LRFN1: variants seen among roughly 807,000 people sequenced by gnomAD.
LRFN1 encodes leucine-rich repeat and fibronectin type III domain-containing protein 1.
A neutral mutation model predicts 31.8 loss-of-function variants in LRFN1; 20 were observed. The ratio of observed to expected loss-of-function variants is 0.63; its 90% confidence interval spans 0.44 to 0.91. The LOEUF is 0.91. Ranked by LOEUF, LRFN1 falls within the 40% of genes least tolerant of loss-of-function variation. LRFN1 has a pLI of 0.00. For synonymous variants in LRFN1, 514 were observed against 541.3 expected (o/e 0.95, Z 0.70); for missense variants, 912 against 1,129.8 (o/e 0.81, Z 2.76).
At position 39,314,191 on chromosome 19, in the gene LRFN1, G is replaced by C. The variant is rs780828457; in HGVS notation, c.1146C>G (p.Pro382=). ...ASNAAGEATA[P]VEVCVVPLPL... is the part of the protein sequence containing the mutation. ...GCAGAGGTACCACGCACACCTCCAC[G>C]GGCGCCGTCGCTTCCCCAGCAGCAT... The change falls in exon 4 of 5, where the codon CCC becomes CCG. Residue 382 remains proline (P), a synonymous_variant. Coordinates refer to ENST00000248668, the MANE Select transcript of LRFN1 (RefSeq NM_020862.2). 6.2e-7 allele frequency: 1 copy of C among 1,613,116 alleles called. No homozygotes were observed. The highest frequency in any genetic ancestry group is 1.7e-5 in the Admixed American group (1 of 59,984).
At chr19:39,319,181 A>G (rs1027950803) in intron 1 of LRFN1, among the ~76,000 whole-genome samples, 1 of 152,232 alleles carries the variant, frequency 6.6e-6, no homozygotes, top group Non-Finnish European at 1.5e-5. Flanking sequence ...TCTGCCATGC[A>G]AGTTCACACA....
chr19:39,316,458 A>G (rs1041373970), intron 2 of LRFN1, among the ~76,000 whole-genome samples: 2 of 152,168 alleles, frequency 1.3e-5, no homozygotes, highest in Non-Finnish European at 2.9e-5. Context: ...TACCATCTTC[A>G]TTCATGTACC....
At position 39,307,506 on chromosome 19, in the gene LRFN1, G is replaced by A. The variant is rs2075133135; in HGVS notation, c.*127C>T. The A allele has an allele frequency of 2.7e-6, 3 of 1,094,608 alleles. No homozygotes were observed. The highest frequency in any genetic ancestry group is 3.6e-6 in the Non-Finnish European group (3 of 844,698). The allele number at this position is 1,094,608 out of a possible 1,614,324, so 67.8% of individuals were successfully genotyped here. Reference sequence around the variant, plus strand: ...CCGAGGCTGCCCCGCCCCCTCCCGGGGACAAGGGCGCGTCTCCACTCTGGT... The same window carrying A: ...CCGAGGCTGCCCCGCCCCCTCCCGGAGACAAGGGCGCGTCTCCACTCTGGT... On this transcript the variant is annotated 3_prime_UTR_variant, in exon 5 of 5. Coordinates refer to ENST00000248668, the MANE Select transcript of LRFN1 (RefSeq NM_020862.2). This position sits in a 1 kb window ranked among gnomAD's most constrained non-coding sequence, Gnocchi z 6.7.
In LRFN1 at chr19:39,315,381, G is replaced by A; in HGVS notation, c.-37-8C>T. 7.1e-7 allele frequency: 1 copy of A among 1,416,788 alleles called. No homozygotes were observed. Among genetic ancestry groups the A allele is most frequent in the Non-Finnish European group, 9.2e-7 (1 of 1,082,942 alleles). The allele number at this position is 1,416,788 out of a possible 1,614,324, so 87.8% of individuals were successfully genotyped here. A position where few individuals can be genotyped will look rare whatever the true frequency, so the allele number is the denominator to read the frequency against. On this transcript the variant is annotated splice_region_variant and splice_polypyrimidine_tract_variant and intron_variant, in intron 3 of 4. Transcript: ENST00000248668. The surrounding 1 kb of genome is among the most constrained non-coding windows in gnomAD (Gnocchi z 4.7). Reference sequence around the variant, plus strand: ...AGGGGTGGGAGGTGAGACCTGCCGGGGAAGGAGCCGGTTACCCAGGCGTGG... The same window carrying A: ...AGGGGTGGGAGGTGAGACCTGCCGGAGAAGGAGCCGGTTACCCAGGCGTGG...
intron 4 of LRFN1, among the ~76,000 whole-genome samples, chr19:39,311,881 T>C (rs1410223956): frequency 7.2e-6 from 1 of 139,718 alleles, no homozygotes; most frequent in Admixed American, 7.0e-5. Flanking sequence ...GAGGCTTTTT[T>C]TTTTTTTTTT....
chr19:39,307,432 G>C lies in LRFN1; in HGVS notation c.*201C>G, dbSNP rs144782480. 4.1e-6 allele frequency: 2 copies of C among 484,756 alleles called. No homozygotes were observed. The highest frequency in any genetic ancestry group is 2.0e-5 in the African/African-American group (1 of 49,692). The allele number at this position is 484,756 out of a possible 1,614,324, so 30.0% of individuals were successfully genotyped here. ...CATAGGGGAAGGGAGGCCGGCAGCC[G>C]GTCCCCGAACCCCGCCCTGGGCACG... On this transcript the variant is annotated 3_prime_UTR_variant, in exon 5 of 5. Transcript: ENST00000248668. The surrounding 1 kb of genome is among the most constrained non-coding windows in gnomAD (Gnocchi z 6.7).
Position 39,308,204 on chromosome 19 carries a change from A to G in LRFN1, c.1745T>C (p.Val582Ala), listed in dbSNP as rs752335634. The change falls in exon 5 of 5, where the codon GTG becomes GCG. Residue 582 changes from valine to alanine, a missense_variant. This residue lies in a region of LRFN1 where 511 missense variants were observed against 557.0 expected (regional missense o/e 0.92). Transcript: ENST00000248668. This position sits in a 1 kb window ranked among gnomAD's most constrained non-coding sequence, Gnocchi z 6.2. ...GSRSLPRVSH[V>A]CSQTNGAGTG... ...GCCTGCGCCGTTGGTCTGCGAGCACACGTGGCTGACCCGCGGGAGCGACCT... is the reference window on the plus strand; with the variant it reads ...GCCTGCGCCGTTGGTCTGCGAGCACGCGTGGCTGACCCGCGGGAGCGACCT... 1.2e-6 allele frequency: 2 copies of G among 1,606,344 alleles called. No individual in the cohort carries two copies. The highest frequency in any genetic ancestry group is 2.2e-5 in the South Asian group (2 of 90,648).
Position 39,307,667 on chromosome 19 carries a change from G to A in LRFN1, c.2282C>T (p.Thr761Ile). Residue 761 changes from threonine to isoleucine, a missense_variant, in exon 5 of 5, where the codon ACC becomes ATC. By Grantham distance (89) the Thr-to-Ile change is moderately conservative. Transcript: ENST00000248668. This position sits in a 1 kb window ranked among gnomAD's most constrained non-coding sequence, Gnocchi z 6.7. ...ACTCTCCAGCATCCACTCGGTGCTGGTGAAAGCCAGGCACGCCCTGGCGGA... is the reference window on the plus strand; with the variant it reads ...ACTCTCCAGCATCCACTCGGTGCTGATGAAAGCCAGGCACGCCCTGGCGGA... ...LGSARACLAF[T>I]STEWMLESTV 1 of 1,494,150 alleles carries A rather than the reference G, an allele frequency of 6.7e-7. No individual in the cohort carries two copies. Among genetic ancestry groups the A allele is most frequent in the East Asian group, 2.7e-5 (1 of 37,382 alleles). The allele number at this position is 1,494,150 out of a possible 1,614,324, so 92.6% of individuals were successfully genotyped here. A position where few individuals can be genotyped will look rare whatever the true frequency, so the allele number is the denominator to read the frequency against.
intron 4 of LRFN1, among the ~76,000 whole-genome samples, chr19:39,310,461 A>T (rs1379732986): frequency 2.0e-5 from 3 of 151,984 alleles, no homozygotes; most frequent in Non-Finnish European, 4.4e-5. Flanking sequence ...AGCCCATTGC[A>T]TTCCTCCCAT....
rs200279934 is a variant in LRFN1 at position 39,314,231 on chromosome 19, G to C, written c.1106C>G (p.Thr369Ser). 1.3e-5 allele frequency: 21 copies of C among 1,613,322 alleles called. No individual in the cohort carries two copies. The highest frequency in any genetic ancestry group is 1.5e-5 in the Non-Finnish European group (18 of 1,179,690). Residue 369 changes from threonine to serine, a missense_variant, in exon 4 of 5, where the codon ACT (threonine) becomes AGT (serine). Physicochemically the swap from Thr to Ser is moderately conservative, Grantham distance 58. Coordinates refer to ENST00000248668, the MANE Select transcript of LRFN1 (RefSeq NM_020862.2). ...CCCAGCAGCATTGGAGGCGATACAA[G>C]TGAAGGTGCCACTGTCCCTCAAGGT... ...ITTLRDSGTF[T>S]CIASNAAGEA...
At position 39,314,076 on chromosome 19, in the gene LRFN1, C is replaced by G. The variant is rs1329461083; in HGVS notation, c.1261G>C (p.Asp421His). 1.2e-6 allele frequency: 2 copies of G among 1,612,620 alleles called. No individual in the cohort carries two copies. Among genetic ancestry groups the G allele is most frequent in the South Asian group, 1.1e-5 (1 of 91,048 alleles). The change falls in exon 4 of 5, where the codon GAT becomes CAT. Residue 421 changes from aspartate (D) to histidine (H), a missense_variant. This residue lies in a region of LRFN1 where 511 missense variants were observed against 557.0 expected (regional missense o/e 0.92). Coordinates refer to ENST00000248668, the MANE Select transcript of LRFN1 (RefSeq NM_020862.2). Reference sequence around the variant, plus strand: ...ACGAGCCGACGCTCAGCCGCAGAATCGTTGGCACCTGGTCTGCCCGGCGTG... The same window carrying G: ...ACGAGCCGACGCTCAGCCGCAGAATGGTTGGCACCTGGTCTGCCCGGCGTG... Reference protein sequence around the residue: ...IATPGRPGANDSAAERRLVAA... With the variant: ...IATPGRPGANHSAAERRLVAA...
At position 39,308,031 on chromosome 19, in the gene LRFN1, C is replaced by A; in HGVS notation, c.1918G>T (p.Gly640Ter). ...GTGGCCGAGCCGCCCAGAGAACGTC[C>A]AAGGACCACCTCCGGCTCCGCGGAT... Reference protein sequence around the residue: ...TASAEPEVVLGRSLGGSATSL... With the variant: ...TASAEPEVVL Residue 640 changes from glycine (G) to a stop codon, truncating the protein, a stop_gained, in exon 5 of 5, where the codon GGA (glycine) becomes TGA (stop). Coordinates refer to ENST00000248668, the MANE Select transcript of LRFN1 (RefSeq NM_020862.2). LOFTEE classifies it high-confidence loss of function. This position sits in a 1 kb window ranked among gnomAD's most constrained non-coding sequence, Gnocchi z 6.2. 1 of 1,549,270 alleles carries A rather than the reference C, an allele frequency of 6.5e-7. No individual in the cohort carries two copies. Among genetic ancestry groups the A allele is most frequent in the Non-Finnish European group, 8.7e-7 (1 of 1,152,476 alleles).
In LRFN1 at chr19:39,308,554, G is replaced by A. The variant is rs1278743972; in HGVS notation, c.1407-12C>T. The A allele has an allele frequency of 6.4e-7, 1 of 1,572,074 alleles. No individual in the cohort carries two copies. The highest frequency in any genetic ancestry group is 8.6e-7 in the Non-Finnish European group (1 of 1,165,204). ...TGGACGGGATCATCCTGTAGGAGGG[G>A]GCGGGTTCAGGGCGGGGTTAGTCCC... On this transcript the variant is annotated splice_polypyrimidine_tract_variant and intron_variant, in intron 4 of 4. Transcript: ENST00000248668. The surrounding 1 kb of genome is among the most constrained non-coding windows in gnomAD (Gnocchi z 6.2).
Position 39,306,730 on chromosome 19 carries a change from AACACAC to A in LRFN1, c.*897_*902del, listed in dbSNP as rs58972296. Reference sequence around the variant, plus strand: ...GCTGCAATCTAGGTCACCCTCCCCCAACACACACACACACACACACACACACACACA... The same window carrying A: ...GCTGCAATCTAGGTCACCCTCCCCCAACACACACACACACACACACACACA... On this transcript the variant is annotated 3_prime_UTR_variant, in exon 5 of 5. Coordinates refer to ENST00000248668, the MANE Select transcript of LRFN1 (RefSeq NM_020862.2). The A allele has an allele frequency of 0.032, 4,321 of 134,814 alleles. 183 individuals carry two copies. The highest frequency in any genetic ancestry group is 0.097 in the African/African-American group (3,601 of 37,064). The allele number at this position is 134,814 out of a possible 1,614,324, so 8.4% of individuals were successfully genotyped here.
chr19:39,307,601 G>T lies in LRFN1; in HGVS notation c.*32C>A. 1.5e-6 allele frequency: 2 copies of T among 1,376,466 alleles called. No homozygotes were observed. The highest frequency in any genetic ancestry group is 3.3e-5 in the South Asian group (2 of 59,936). 85.3% of individuals were successfully genotyped at this position (1,376,466 alleles called of 1,614,324 possible). On this transcript the variant is annotated 3_prime_UTR_variant, in exon 5 of 5. Coordinates refer to ENST00000248668, the MANE Select transcript of LRFN1 (RefSeq NM_020862.2). This position sits in a 1 kb window ranked among gnomAD's most constrained non-coding sequence, Gnocchi z 6.7. Reference sequence around the variant, plus strand: ...CCGTGCGGCTGGGCGTTTGGTCTGCGGCACCCAGGCGTCCCGGCGCCCGCC... The same window carrying T: ...CCGTGCGGCTGGGCGTTTGGTCTGCTGCACCCAGGCGTCCCGGCGCCCGCC...
chr19:39,314,476 C>G lies in LRFN1; in HGVS notation c.861G>C (p.Trp287Cys). Residue 287 changes from tryptophan (W) to cysteine (C), a missense_variant, in exon 4 of 5, where the codon TGG (tryptophan) becomes TGC (cysteine). Physicochemically the swap from Trp to Cys is radical, Grantham distance 215 (BLOSUM62 -2). Around this residue, in one of 2 missense-constraint regions of LRFN1, gnomAD observed 401 missense variants for 572.7 expected, o/e 0.70. Transcript: ENST00000248668. ...ACAGGAACTCCTCCTCGGGGATGGA[C>G]CAGAAGTAGCGGTCGGTGAGGTGTT... ...TPEHLTDRYF[W>C]SIPEEEFLCE... is the part of the protein sequence containing the mutation. 1 of 1,610,630 alleles carries G rather than the reference C, an allele frequency of 6.2e-7. No homozygotes were observed. The highest frequency in any genetic ancestry group is 8.5e-7 in the Non-Finnish European group (1 of 1,179,228).
At position 39,315,331 on chromosome 19, in the gene LRFN1, A is replaced by C. The variant is rs772563179; in HGVS notation, c.6T>G (p.Ala2=). The change falls in exon 4 of 5, where the codon GCT becomes GCG. Residue 2 remains alanine, a synonymous_variant. Transcript: ENST00000248668. The surrounding 1 kb of genome is among the most constrained non-coding windows in gnomAD (Gnocchi z 4.7). Reference sequence around the variant, plus strand: ...GGAGGGCCGAGGAGAAGGGTCCTGGAGCCATGGTGCAGTGGGAAGGCAGGA... The same window carrying C: ...GGAGGGCCGAGGAGAAGGGTCCTGGCGCCATGGTGCAGTGGGAAGGCAGGA... M[A]PGPFSSALLS... is the part of the protein sequence containing the mutation. 6.8e-7 allele frequency: 1 copy of C among 1,462,638 alleles called. No individual in the cohort carries two copies. The highest frequency in any genetic ancestry group is 9.0e-7 in the Non-Finnish European group (1 of 1,110,268). The allele number at this position is 1,462,638 out of a possible 1,614,324, so 90.6% of individuals were successfully genotyped here.
chr19:39,315,006 C>T lies in LRFN1; in HGVS notation c.331G>A (p.Asp111Asn), dbSNP rs750426275. 3 of 1,592,096 alleles carry T rather than the reference C, an allele frequency of 1.9e-6. No homozygotes were observed. Among genetic ancestry groups the T allele is most frequent in the Non-Finnish European group, 2.6e-6 (3 of 1,176,268 alleles). Residue 111 changes from aspartate to asparagine, a missense_variant, in exon 4 of 5, where the codon GAC (aspartate) becomes AAC (asparagine). Physicochemically the swap from Asp to Asn is conservative, Grantham distance 23. Transcript: ENST00000248668. The surrounding 1 kb of genome is among the most constrained non-coding windows in gnomAD (Gnocchi z 4.7). ...TGCAGGGCCCGGAGGGCACGCAGGT[C>T]GGCGAAGGCGCCAGCTGCCACCTGG... The part of the protein sequence containing the change: ...IGQVAAGAFA[D>N]LRALRALHLD...
chr19:39,320,367 C>T (rs1303510476), intron 1 of LRFN1, among the ~76,000 whole-genome samples: 1 of 151,840 alleles, frequency 6.6e-6, no homozygotes, highest in Non-Finnish European at 1.5e-5. Context: ...CGGGCACACC[C>T]GGCTCCACAG....
Sources: allele counts gnomAD v4.1 joint callset (sites outside exome capture counted in the v4.1 genomes callset), GRCh38; gene constraint gnomAD v4.1.1; regional missense constraint gnomAD v4.1.1; non-coding constraint Gnocchi (gnomAD v3.1); transcripts MANE v1.5; gene names NCBI Gene and HGNC (gene_info 2026-07-23, HGNC 2026-07-21).